SLCO1B1: variants seen among roughly 807,000 people sequenced by gnomAD.
SLCO1B1 encodes OATP-2.
In SLCO1B1, 81 loss-of-function variants were observed where a neutral mutation model predicts 70.1. The observed-to-expected ratio is 1.16, with a 90% CI of 0.97 to 1.39. SLCO1B1 has a LOEUF of 1.39. Among genes scored for constraint, SLCO1B1 ranks in the 40% most tolerant of loss-of-function variants. The pLI is 0.00. For missense variants in SLCO1B1, 895 were observed against 799.6 expected (o/e 1.12, Z -1.44); for synonymous variants, 283 against 271.5 (o/e 1.04, Z -0.42).
chr12:21,176,842 TTTAA>T lies in SLCO1B1; in HGVS notation c.432_435del (p.Asn145LysfsTer12), dbSNP rs1940826919. ...ATTCAACATCGACCTTATCCACTTG[TTTAA>T]TTAATCAAATTTTATCACTCAATAG... On this transcript the variant is annotated frameshift_variant, in exon 5 of 15. Transcript: ENST00000256958. LOFTEE classifies it high-confidence loss of function. 3 of 1,551,656 alleles carry T rather than the reference TTTAA, an allele frequency of 1.9e-6. No individual in the cohort carries two copies. Among genetic ancestry groups the T allele is most frequent in the Admixed American group, 1.7e-5 (1 of 59,790 alleles).
chr12:21,227,055 T>C (rs1941489992), intron 14 of SLCO1B1, among the ~76,000 whole-genome samples: 1 of 152,110 alleles, frequency 6.6e-6, no homozygotes, highest in Non-Finnish European at 1.5e-5. Context: ...AGTACAGAAC[T>C]TTGAGCCAGC....
At chr12:21,214,216 A>T (rs1453623204) in intron 11 of SLCO1B1, among the ~76,000 whole-genome samples, 2 of 151,868 alleles carry the variant, frequency 1.3e-5, no homozygotes, top group Non-Finnish European at 2.9e-5. Context: ...GTCTTTGATG[A>T]TGGTGATGTA....
At chr12:21,201,545 C>T (rs1301530894) in intron 9 of SLCO1B1, among the ~76,000 whole-genome samples, 1 of 151,994 alleles carries the variant, frequency 6.6e-6, no homozygotes, top group African/African-American at 2.4e-5. Flanking sequence ...AGTTCAGGTT[C>T]TGTATGTTTT....
intron 1 of SLCO1B1, among the ~76,000 whole-genome samples, chr12:21,139,170 A>T (rs926936595): frequency 2.0e-5 from 3 of 152,102 alleles, no homozygotes; most frequent in Non-Finnish European, 4.4e-5. Flanking sequence ...TCATACAGAG[A>T]TATTTGCTAT....
At chr12:21,198,797 T>G (rs181240958) in intron 8 of SLCO1B1, among the ~76,000 whole-genome samples, 59 of 152,264 alleles carry the variant, frequency 3.9e-4, no homozygotes, top group African/African-American at 1.4e-3. Context: ...GGTACTTAGT[T>G]TAATGCCACT....
At chr12:21,216,323 A>G (rs530478025) in intron 11 of SLCO1B1, among the ~76,000 whole-genome samples, 36 of 152,292 alleles carry the variant, frequency 2.4e-4, no homozygotes, top group African/African-American at 8.4e-4. Context: ...CTGTAGATGT[A>G]TAGATTTAAA....
intron 2 of SLCO1B1, among the ~76,000 whole-genome samples, chr12:21,168,029 G>C (rs771831887): frequency 1.5e-4 from 22 of 151,524 alleles, no homozygotes; most frequent in Middle Eastern, 3.4e-3. Flanking sequence ...CACTATGTTG[G>C]CTAGGCTGGT....
intron 1 of SLCO1B1, among the ~76,000 whole-genome samples, chr12:21,133,912 G>A (rs565487585): frequency 2.7e-4 from 41 of 152,208 alleles, no homozygotes; most frequent in African/African-American, 9.2e-4. Context: ...TCTTGTGCCC[G>A]TTTTCAAAGG....
At chr12:21,206,228 G>GT (rs1485087606) in intron 11 of SLCO1B1, among the ~76,000 whole-genome samples, 195 bp downstream of exon 11, 1 of 151,784 alleles carries the variant, frequency 6.6e-6, no homozygotes, top group African/African-American at 2.4e-5. Flanking sequence ...GCACAATCAG[G>GT]TTTTTCTGTT....
At chr12:21,225,694 C>T (rs192904435) in intron 14 of SLCO1B1, among the ~76,000 whole-genome samples, 16 of 152,114 alleles carry the variant, frequency 1.1e-4, no homozygotes, top group Middle Eastern at 3.4e-3. Context: ...GCAAATATCC[C>T]GAATATATAC....
chr12:21,236,321 T>G (rs1364122717), intron 14 of SLCO1B1, among the ~76,000 whole-genome samples: 1 of 152,166 alleles, frequency 6.6e-6, no homozygotes, highest in Non-Finnish European at 1.5e-5. Flanking sequence ...CTGACCCCTG[T>G]GCCTACCAAA....
At chr12:21,212,762 T>C (rs1210323826) in intron 11 of SLCO1B1, among the ~76,000 whole-genome samples, 2 of 145,462 alleles carry the variant, frequency 1.4e-5, no homozygotes, top group African/African-American at 5.1e-5. Context: ...ATTGGGTGCA[T>C]ATATATTTAG....
intron 2 of SLCO1B1, among the ~76,000 whole-genome samples, chr12:21,170,931 T>C (rs891447945): frequency 6.6e-6 from 1 of 152,166 alleles, no homozygotes; most frequent in South Asian, 2.1e-4. Flanking sequence ...TAGGTTTTGG[T>C]TATATAAATG....
chr12:21,167,627 A>G (rs1359852272), intron 2 of SLCO1B1, among the ~76,000 whole-genome samples: 1 of 152,140 alleles, frequency 6.6e-6, no homozygotes, highest in Non-Finnish European at 1.5e-5. Context: ...CCAATTTTTA[A>G]GTGTACAATT....
chr12:21,221,784 A>G (rs535733628), intron 12 of SLCO1B1, among the ~76,000 whole-genome samples: 1 of 152,276 alleles, frequency 6.6e-6, no homozygotes, highest in African/African-American at 2.4e-5. Context: ...TGTTGAGGAA[A>G]AGGAATGCTT....
At chr12:21,207,560 C>A (rs1415220433) in intron 11 of SLCO1B1, among the ~76,000 whole-genome samples, 1 of 151,982 alleles carries the variant, frequency 6.6e-6, no homozygotes, top group Non-Finnish European at 1.5e-5. Flanking sequence ...CAGGTTGAGA[C>A]CGTGTCTTTG....
At chr12:21,186,286 G>A (rs751108727) in intron 7 of SLCO1B1, among the ~76,000 whole-genome samples, 4 of 152,014 alleles carry the variant, frequency 2.6e-5, no homozygotes, top group African/African-American at 4.8e-5. Flanking sequence ...TAATATATAC[G>A]TTACTGCTGT....
At chr12:21,225,791 C>T (rs750146916) in intron 14 of SLCO1B1, among the ~76,000 whole-genome samples, 2 of 152,078 alleles carry the variant, frequency 1.3e-5, no homozygotes, top group Non-Finnish European at 2.9e-5. Context: ...TCTTTCATTG[C>T]TGGTGGATAT....
intron 2 of SLCO1B1, among the ~76,000 whole-genome samples, chr12:21,165,302 A>G (rs1190814317): frequency 6.6e-6 from 1 of 152,096 alleles, no homozygotes; most frequent in Non-Finnish European, 1.5e-5. Context: ...ATAAATTTAG[A>G]ACATATAGCT....
Sources: allele counts gnomAD v4.1 joint callset (sites outside exome capture counted in the v4.1 genomes callset), GRCh38; gene constraint gnomAD v4.1.1; transcripts MANE v1.5; gene names NCBI Gene and HGNC (gene_info 2026-07-23, HGNC 2026-07-21).